Variants in THOC1 observed in about 807,000 individuals in gnomAD.
THOC1 encodes the protein THO complex 1.
THOC1 carries 29 observed loss-of-function variants against 97.3 expected under a neutral mutation model. The observed-to-expected ratio is 0.30, with a 90% CI of 0.22 to 0.41. The LOEUF (loss-of-function observed/expected upper bound fraction) is 0.41, where lower values mean the gene tolerates loss of function less well. THOC1 is among the 10% of genes least tolerant of loss of function. The pLI, the probability that THOC1 is intolerant of heterozygous loss-of-function variation, is 1.00. For synonymous variants in THOC1, 255 were observed against 257.0 expected (o/e 0.99, Z 0.07); for missense variants, 529 against 761.9 (o/e 0.69, Z 3.60).
intron 11 of THOC1, among the ~76,000 whole-genome samples, chr18:227,488 G>A (rs1169312973): frequency 2.0e-5 from 3 of 152,024 alleles, no homozygotes; most frequent in African/African-American, 7.2e-5. Context: ...CAAGAAATTA[G>A]AGGTGAAGAT....
chr18:249,480 A>G (rs572934773), intron 9 of THOC1, among the ~76,000 whole-genome samples: 28 of 152,080 alleles, frequency 1.8e-4, no homozygotes, highest in South Asian at 8.3e-4. Flanking sequence ...TGACCAACAT[A>G]CTGAAACCCC....
intron 9 of THOC1, among the ~76,000 whole-genome samples, chr18:248,467 A>G (rs1458452260): frequency 1.3e-5 from 2 of 152,216 alleles, no homozygotes; most frequent in African/African-American, 4.8e-5. Context: ...CTCCCTTACC[A>G]GCCTTGGACT....
intron 18 of THOC1, among the ~76,000 whole-genome samples, chr18:218,521 A>G (rs765720996): frequency 6.6e-6 from 1 of 152,166 alleles, no homozygotes; most frequent in East Asian, 1.9e-4. Flanking sequence ...ATGGATTTGG[A>G]TTCTCATGGA....
chr18:253,849 ATAAAGT>A (rs1319004470), intron 8 of THOC1, among the ~76,000 whole-genome samples: 4 of 152,110 alleles, frequency 2.6e-5, no homozygotes, highest in South Asian at 2.1e-4. Flanking sequence ...TAAGTTGGAA[ATAAAGT>A]TAAAAGTTTT....
intron 11 of THOC1, among the ~76,000 whole-genome samples, chr18:234,241 T>C (rs1911595838): frequency 6.6e-6 from 1 of 152,230 alleles, no homozygotes; most frequent in South Asian, 2.1e-4. Flanking sequence ...TTTACTCTTT[T>C]CTTTCCAATA....
chr18:264,698 TG>T (rs1421317964), intron 3 of THOC1, among the ~76,000 whole-genome samples: 7 of 152,232 alleles, frequency 4.6e-5, no homozygotes, highest in African/African-American at 1.7e-4. Flanking sequence ...TAATCAGACT[TG>T]TCTGAGAGAA....
Position 264,048 on chromosome 18 carries a change from A to T in THOC1, c.234T>A (p.Leu78=). The part of the protein sequence containing the change: ...SCENVLAIIS[L]AIGGVTEGIC... ...TACCTTCAGTTACTCCCCCAATAGCAAGAGAAATAATAGCTAAAACGTTTT... is the reference window on the plus strand; with the variant it reads ...TACCTTCAGTTACTCCCCCAATAGCTAGAGAAATAATAGCTAAAACGTTTT... Residue 78 remains leucine, a synonymous_variant, in exon 4 of 21, where the codon CTT becomes CTA. Coordinates refer to ENST00000261600, the MANE Select transcript of THOC1 (RefSeq NM_005131.3). The T allele has an allele frequency of 6.2e-7, 1 of 1,612,514 alleles. No homozygotes were observed. Among genetic ancestry groups the T allele is most frequent in the Non-Finnish European group, 8.5e-7 (1 of 1,178,934 alleles).
At chr18:228,146 C>T (rs1159376842) in intron 11 of THOC1, among the ~76,000 whole-genome samples, 3 of 152,180 alleles carry the variant, frequency 2.0e-5, no homozygotes, top group African/African-American at 7.2e-5. Context: ...CTTAACTCCA[C>T]GGACAGGCCC....
In THOC1 at chr18:234,662, G is replaced by A. The variant is rs182409016; in HGVS notation, c.919-7761C>T. 9.2e-5 allele frequency among the ~76,000 whole-genome samples: 14 copies of A among 152,180 alleles called. No individual in the cohort carries two copies. The East Asian group carries it at 2.3e-3, about 25-fold the overall frequency. On this transcript the variant is annotated intron_variant, in intron 11 of 20. Transcript: ENST00000261600. ...CTCCCAAAGTGCTGGGATTACAGGCGTAAGCCAATACGCCCAGCCAATCGG... is the reference window on the plus strand; with the variant it reads ...CTCCCAAAGTGCTGGGATTACAGGCATAAGCCAATACGCCCAGCCAATCGG...
At chr18:243,283 G>A (rs978040136) in intron 11 of THOC1, among the ~76,000 whole-genome samples, 1 of 152,200 alleles carries the variant, frequency 6.6e-6, no homozygotes, top group Admixed American at 6.5e-5. Context: ...CAGAAAAGGA[G>A]AGATACTATT....
rs570469889 is a variant in THOC1 at position 261,798 on chromosome 18, T to G, written c.257-1494A>C. Among the ~76,000 whole-genome samples the G allele has an allele frequency of 7.2e-5, 11 of 152,360 alleles. No homozygotes were observed. The East Asian group carries it at 1.2e-3, about 16-fold the overall frequency. On this transcript the variant is annotated intron_variant, in intron 4 of 20. Transcript: ENST00000261600. ...TAATAATTATAGAACTTTTTCTAGA[T>G]TCTACTGCCAAAATTCTGAGTCAGT... is the stretch of plus-strand genomic sequence containing the variant.
intron 1 of THOC1, among the ~76,000 whole-genome samples, chr18:267,024 T>C (rs1912797173): frequency 6.7e-6 from 1 of 149,494 alleles, no homozygotes; most frequent in Non-Finnish European, 1.5e-5. Context: ...TATATGTATA[T>C]ATATATATAT....
rs1052420247 is a variant in THOC1 at position 224,692 on chromosome 18, CAAT to C, written c.1208+229_1208+231del. 5.3e-4 allele frequency among the ~76,000 whole-genome samples: 81 copies of C among 151,662 alleles called. 1 individual carries two copies. Among genetic ancestry groups the C allele is most frequent in the Admixed American group, 4.1e-3 (62 of 15,254 alleles). ...CGGAGTAGATATACAGTATTCTTCTCAATAATAAGATGTTTGTTCCAGGAATTT... is the reference window on the plus strand; with the variant it reads ...CGGAGTAGATATACAGTATTCTTCTCAATAAGATGTTTGTTCCAGGAATTT... On this transcript the variant is annotated intron_variant, in intron 15 of 20. Transcript: ENST00000261600.
rs201689148 is a variant in THOC1 at position 224,984 on chromosome 18, T to C, written c.1148A>G (p.Asn383Ser). 110 of 1,572,474 alleles carry C rather than the reference T, an allele frequency of 7.0e-5. 1 individual carries two copies. The African/African-American group carries it at 1.1e-3, about 16-fold the overall frequency. Residue 383 changes from asparagine to serine, a missense_variant, in exon 15 of 21, where the codon AAC becomes AGC. This residue lies in a region of THOC1 where 123 missense variants were observed against 159.0 expected (regional missense o/e 0.77). Coordinates refer to ENST00000261600, the MANE Select transcript of THOC1 (RefSeq NM_005131.3). The part of the protein sequence containing the change: ...RFSKMVEHIL[N>S]TEENWNSWKN... Reference sequence around the variant, plus strand: ...CCACGAGTTCCAGTTTTCTTCAGTGTTTAATATATGCTGGGAAAAACAAAG... The same window carrying C: ...CCACGAGTTCCAGTTTTCTTCAGTGCTTAATATATGCTGGGAAAAACAAAG...
intron 11 of THOC1, among the ~76,000 whole-genome samples, chr18:231,151 G>A (rs2143192906): frequency 6.6e-6 from 1 of 152,316 alleles, no homozygotes; most frequent in Non-Finnish European, 1.5e-5. Flanking sequence ...GTCTCGCTAT[G>A]TTGCCCAGGC....
rs1368141452 is a variant in THOC1, at chr18:223,518, C to T, written c.1305-13G>A. 1.9e-6 allele frequency: 3 copies of T among 1,549,140 alleles called. No individual in the cohort carries two copies. The highest frequency in any genetic ancestry group is 4.0e-5 in the Admixed American group (2 of 50,612). On this transcript the variant is annotated splice_polypyrimidine_tract_variant and intron_variant, in intron 16 of 20. Transcript: ENST00000261600. ...TGTTAACTCCTCACTACAAAATAGA[C>T]ACAGAAATAAATACATTTTTTATGG...
chr18:236,954 G>A (rs1277226657), intron 11 of THOC1, among the ~76,000 whole-genome samples: 6 of 150,102 alleles, frequency 4.0e-5, no homozygotes, highest in Middle Eastern at 3.4e-3. Flanking sequence ...TTTCTTTTAT[G>A]TGAAAACCCA....
chr18:231,323 T>C (rs548145291), intron 11 of THOC1, among the ~76,000 whole-genome samples: 135 of 152,338 alleles, frequency 8.9e-4, no homozygotes, highest in South Asian at 1.5e-3. Context: ...AAAAGGCTCA[T>C]GCTTTTCATT....
chr18:226,558 A>G (rs1911295648), intron 12 of THOC1, among the ~76,000 whole-genome samples: 2 of 152,170 alleles, frequency 1.3e-5, no homozygotes, highest in African/African-American at 4.8e-5. Flanking sequence ...ACCTGCTAAT[A>G]AAGACGACAA....
Sources: gnomAD v4.1 joint callset for allele counts (sites outside exome capture counted in the v4.1 genomes callset) on GRCh38, gnomAD v4.1.1 for gene constraint, gnomAD v4.1.1 regional missense constraint, MANE v1.5 for transcripts, NCBI Gene and HGNC (gene_info 2026-07-23, HGNC 2026-07-21) for gene names.